The following GALNT14 variants were observed in gnomAD, a reference collection of about 807,000 sequenced individuals.
GALNT14 encodes UDP-GalNAc:polypeptide N-acetylgalactosaminyltransferase 14.
GALNT14 carries 60 observed loss-of-function variants against 77.5 expected under a neutral mutation model. The observed-to-expected ratio is 0.77, with a 90% confidence interval of 0.63 to 0.96. The LOEUF is 0.96. GALNT14 is among the 40% of genes least tolerant of loss of function. The pLI, the probability that GALNT14 is intolerant of heterozygous loss-of-function variation, is 0.00. For missense variants in GALNT14, 710 were observed against 731.0 expected, an observed-to-expected ratio of 0.97 and a Z score of 0.33; for synonymous variants, 280 against 281.7, an observed-to-expected ratio of 0.99 and a Z score of 0.06.
At chr2:30,945,218 G>A (rs1666615885) in intron 7 of GALNT14, among the ~76,000 whole-genome samples, 1 of 152,218 alleles carries the variant, frequency 6.6e-6, no homozygotes, top group African/African-American at 2.4e-5. Context: ...AAGCCTAGGG[G>A]TAGGGGCCGA....
At chr2:31,054,990 G>T (rs72854842) in intron 1 of GALNT14, among the ~76,000 whole-genome samples, 2,596 of 152,260 alleles carry the variant, frequency 0.017, 78 homozygotes, top group African/African-American at 0.057. Context: ...TTCCTGGGTG[G>T]CTAGGCTGAG....
intron 2 of GALNT14, among the ~76,000 whole-genome samples, chr2:30,976,389 T>A (rs1269189131): frequency 6.6e-6 from 1 of 152,240 alleles, no homozygotes; most frequent in Non-Finnish European, 1.5e-5. Flanking sequence ...CTTCTGTTTT[T>A]CTAAACAACT....
chr2:31,076,629 A>ATTTT (rs35108670), intron 1 of GALNT14, among the ~76,000 whole-genome samples: 16 of 101,892 alleles, frequency 1.6e-4, no homozygotes, highest in African/African-American at 5.0e-4. Context: ...ATATATATAT[A>ATTTT]TTTTTTTTTT....
chr2:31,035,600 TACACACACACACACACCTACACACAC>T (rs1558512251), intron 1 of GALNT14, among the ~76,000 whole-genome samples: 1 of 49,582 alleles, frequency 2.0e-5, no homozygotes, highest in African/African-American at 1.0e-4. Flanking sequence ...CATATACATA[TACACACACACACACACCTACACACAC>T]ACACACACAC....
In GALNT14 at chr2:31,138,272, TG is replaced by T; in HGVS notation, c.-187del. ...CGCTTCGAAGAGAAGCGAGCCTGGGTGGGGGGTGCAGGGCGACCCGAAACGT... is the reference window on the plus strand; with the variant it reads ...CGCTTCGAAGAGAAGCGAGCCTGGGTGGGGGTGCAGGGCGACCCGAAACGT... On this transcript the variant is annotated 5_prime_UTR_variant, in exon 1 of 15. Transcript: ENST00000349752. The T allele has an allele frequency of 1.1e-5, 8 of 708,050 alleles. No individual in the cohort carries two copies. Among genetic ancestry groups the T allele is most frequent in the East Asian group, 2.8e-5 (1 of 35,686 alleles). 43.9% of individuals were successfully genotyped at this position (708,050 alleles called of 1,614,324 possible).
chr2:31,118,992 G>T (rs1380344887), intron 1 of GALNT14, among the ~76,000 whole-genome samples: 1 of 152,136 alleles, frequency 6.6e-6, no homozygotes, highest in African/African-American at 2.4e-5. Context: ...TTTAATTAAT[G>T]ATGTTGACAC....
intron 2 of GALNT14, among the ~76,000 whole-genome samples, chr2:30,966,546 C>A (rs1464470248): frequency 1.3e-5 from 2 of 152,098 alleles, no homozygotes; most frequent in African/African-American, 4.8e-5. Flanking sequence ...GGCTTGGAGA[C>A]GAATTGAGTT....
intron 1 of GALNT14, among the ~76,000 whole-genome samples, chr2:31,084,024 C>T (rs1405549477): frequency 6.6e-6 from 1 of 152,046 alleles, no homozygotes; most frequent in African/African-American, 2.4e-5. Flanking sequence ...TGTATATAGC[C>T]CAGTAGGGGA....
intron 9 of GALNT14, among the ~76,000 whole-genome samples, chr2:30,933,415 T>C (rs967067434): frequency 3.3e-5 from 5 of 152,160 alleles, no homozygotes; most frequent in Non-Finnish European, 4.4e-5. Flanking sequence ...ATACAGGTAT[T>C]ACAGGGCCTT....
chr2:31,087,706 T>C (rs1036667008), intron 1 of GALNT14, among the ~76,000 whole-genome samples: 4 of 152,162 alleles, frequency 2.6e-5, no homozygotes, highest in African/African-American at 9.7e-5. Flanking sequence ...TGGAATGCTA[T>C]TGAGAGACAG....
rs1418658726 is a variant in GALNT14, at chr2:30,994,667, T to A, written c.130-1660A>T. On this transcript the variant is annotated intron_variant, in intron 1 of 14. Coordinates refer to ENST00000349752, the MANE Select transcript of GALNT14 (RefSeq NM_024572.4). ...ATGTCACAGCCTGATAGCTGTGACC[T>A]CTGCTTGGAACATCACCCCACGGTA... Among the ~76,000 whole-genome samples, 4 of 152,106 alleles carry A rather than the reference T, an allele frequency of 2.6e-5. 1 individual carries two copies. Among genetic ancestry groups the A allele is most frequent in the Admixed American group, 2.6e-4 (4 of 15,278 alleles).
At chr2:31,136,128 G>A (rs1006580609) in intron 1 of GALNT14, among the ~76,000 whole-genome samples, 4 of 150,462 alleles carry the variant, frequency 2.7e-5, no homozygotes, top group Admixed American at 2.0e-4. Context: ...GGGGCTGAGT[G>A]AGAAAAGTGA....
intron 3 of GALNT14, among the ~76,000 whole-genome samples, chr2:30,959,654 T>C (rs536584216): frequency 6.6e-6 from 1 of 152,366 alleles, no homozygotes; most frequent in African/African-American, 2.4e-5. Flanking sequence ...TATTTGGCAC[T>C]TTATGATAAC....
At chr2:31,104,099 T>C (rs79512984) in intron 1 of GALNT14, among the ~76,000 whole-genome samples, 1,584 of 152,296 alleles carry the variant, frequency 0.01, 28 homozygotes, top group African/African-American at 0.036. Context: ...CAGAAAAAAC[T>C]GTGGCCAACC....
At chr2:30,921,820 TGTTGA>T (rs757245938) in intron 13 of GALNT14, among the ~76,000 whole-genome samples, 7 of 152,272 alleles carry the variant, frequency 4.6e-5, no homozygotes, top group Non-Finnish European at 1.0e-4. Context: ...CCGTGACTTG[TGTTGA>T]GTTGTGTGGT....
At chr2:30,926,386 G>A (rs1051202272) in intron 11 of GALNT14, among the ~76,000 whole-genome samples, 3 of 152,170 alleles carry the variant, frequency 2.0e-5, no homozygotes, top group East Asian at 1.9e-4. Flanking sequence ...TATCAGATGA[G>A]GAGTAAGTTT....
intron 2 of GALNT14, among the ~76,000 whole-genome samples, chr2:30,991,821 C>G (rs1669724804): frequency 6.6e-6 from 1 of 152,190 alleles, no homozygotes; most frequent in Non-Finnish European, 1.5e-5. Flanking sequence ...CCAGCCTTCA[C>G]AGGGTACCAT....
chr2:30,974,596 G>T (rs1266475920), intron 2 of GALNT14, among the ~76,000 whole-genome samples: 1 of 152,170 alleles, frequency 6.6e-6, no homozygotes, highest in Non-Finnish European at 1.5e-5. Flanking sequence ...TATCTGAAAT[G>T]CACTCTCCTC....
At chr2:30,903,318 A>G in the GALNT14 span, among the ~76,000 whole-genome samples, 2 of 152,270 alleles carry the variant, frequency 1.3e-5, no homozygotes, top group Non-Finnish European at 2.9e-5. Flanking sequence ...GCTCCCAGCA[A>G]TTGCTGCCTC....
Sources: gnomAD v4.1 joint callset for allele counts (sites outside exome capture counted in the v4.1 genomes callset) on GRCh38, gnomAD v4.1.1 for gene constraint, MANE v1.5 for transcripts, NCBI Gene and HGNC (gene_info 2026-07-23, HGNC 2026-07-21) for gene names.